PTPA: variants seen among roughly 807,000 people sequenced by gnomAD.
The protein encoded by PTPA is protein phosphatase 2 phosphatase activator.
In PTPA, 13 loss-of-function variants were observed where a neutral mutation model predicts 43.6. The ratio of observed to expected loss-of-function variants is 0.30; its 90% CI spans 0.19 to 0.47. PTPA has a LOEUF of 0.47. Among genes scored for constraint, PTPA ranks in the 20% least tolerant of loss-of-function variants. The pLI, the probability that PTPA is intolerant of heterozygous loss-of-function variation, is 0.99. For missense variants in PTPA, 329 were observed against 411.9 expected (o/e 0.80, Z 1.74); for synonymous variants, 172 against 158.2 (o/e 1.09, Z -0.66).
chr9:129,131,594 C>T lies in PTPA; in HGVS notation c.415C>T (p.Leu139=), dbSNP rs1309780121. ...AAAVPEVAVY[L]KESVGNSTRI... ...TGCTGTGCCTGAGGTGGCTGTTTAC[C>T]TAAAGGAGTCAGTGGGGAACTCCAC... Residue 139 remains leucine, a synonymous_variant, in exon 5 of 10, where the codon CTA becomes TTA. Coordinates refer to ENST00000393370, the MANE Select transcript of PTPA (RefSeq NM_178000.3). 6 of 1,614,072 alleles carry T rather than the reference C, an allele frequency of 3.7e-6. No homozygotes were observed. Among genetic ancestry groups the T allele is most frequent in the African/African-American group, 1.3e-5 (1 of 74,928 alleles).
chr9:129,118,667 G>A (rs7861663), intron 1 of PTPA, among the ~76,000 whole-genome samples: 90,115 of 151,606 alleles, frequency 0.59, 28,702 homozygotes, highest in Non-Finnish European at 0.7. Flanking sequence ...GAGCCACCGC[G>A]CCCCGCCTAA....
At chr9:129,121,533 C>T (rs1355246312) in intron 2 of PTPA, among the ~76,000 whole-genome samples, 1 of 152,248 alleles carries the variant, frequency 6.6e-6, no homozygotes, top group Admixed American at 6.5e-5. Flanking sequence ...GTCCTTTCAT[C>T]ATCTTGGTTG....
chr9:129,118,645 G>A (rs1173823033), intron 1 of PTPA, among the ~76,000 whole-genome samples: 1 of 152,018 alleles, frequency 6.6e-6, no homozygotes, highest in Admixed American at 6.6e-5. Flanking sequence ...AAAGTGCTGG[G>A]ATTGTAGGCA....
At chr9:129,141,159 G>T (rs866906129) in intron 8 of PTPA, among the ~76,000 whole-genome samples, 62 of 151,980 alleles carry the variant, frequency 4.1e-4, no homozygotes, top group South Asian at 1.2e-3. Flanking sequence ...GGTTTTTTTT[G>T]ACTTAAATCT....
chr9:129,126,473 C>CCA (rs1214280584), intron 3 of PTPA, among the ~76,000 whole-genome samples: 5 of 152,082 alleles, frequency 3.3e-5, no homozygotes, highest in African/African-American at 1.2e-4. Flanking sequence ...AGCCACTGTG[C>CCA]CTGGCCAGCT....
intron 1 of PTPA, among the ~76,000 whole-genome samples, chr9:129,113,010 T>C (rs1406774502): frequency 6.6e-6 from 1 of 151,900 alleles, no homozygotes; most frequent in African/African-American, 2.4e-5. Flanking sequence ...CAGAATTGTC[T>C]TGGGTCACAC....
Position 129,125,535 on chromosome 9 carries a change from G to A in PTPA, c.216+2397G>A, listed in dbSNP as rs1055641536. Reference sequence around the variant, plus strand: ...TGGGATTGCAGGCGTGAGCTGCTGCGCCCGGCCCAGGTATTGTCTTAGCTC... The same window carrying A: ...TGGGATTGCAGGCGTGAGCTGCTGCACCCGGCCCAGGTATTGTCTTAGCTC... On this transcript the variant is annotated intron_variant, in intron 3 of 9. Coordinates refer to ENST00000393370, the MANE Select transcript of PTPA (RefSeq NM_178000.3). 3.3e-5 allele frequency among the ~76,000 whole-genome samples: 5 copies of A among 152,110 alleles called. No homozygotes were observed. The East Asian group carries it at 5.8e-4, about 18-fold the overall frequency.
intron 9 of PTPA, among the ~76,000 whole-genome samples, chr9:129,146,028 C>T (rs539096802): frequency 3.3e-4 from 49 of 150,768 alleles, no homozygotes; most frequent in Non-Finnish European, 5.8e-4. Context: ...GCCTCCACCC[C>T]TTCTCGCCTT....
chr9:129,123,190 G>A (rs1849369760), intron 3 of PTPA, 52 bp downstream of exon 3: 2 of 1,483,440 alleles, frequency 1.3e-6, no homozygotes, highest in Non-Finnish European at 1.9e-6. Context: ...TAGCTCCAGA[G>A]TCACTGGGTG....
chr9:129,137,823 A>G (rs1335573573), intron 8 of PTPA, 131 bp downstream of exon 8: 2 of 847,610 alleles, frequency 2.4e-6, no homozygotes, highest in Admixed American at 2.0e-5. Context: ...GGAGCGGGTT[A>G]TTGAAAAGGA....
At chr9:129,111,268 A>G (rs1047454119), upstream of PTPA, 24 of 1,189,858 alleles carry the variant, frequency 2.0e-5, no homozygotes, top group African/African-American at 2.8e-4. Flanking sequence ...GCGGCGCCCG[A>G]CGTTCGGGCG....
intron 5 of PTPA, among the ~76,000 whole-genome samples, chr9:129,133,524 A>G (rs1170626052): frequency 6.6e-6 from 1 of 152,196 alleles, no homozygotes; most frequent in African/African-American, 2.4e-5. Flanking sequence ...TCTCTGACAC[A>G]TTCTCTTCTC....
intron 1 of PTPA, chr9:129,119,455 G>T (rs1849107684): frequency 6.6e-6 from 1 of 151,670 alleles, no homozygotes; most frequent in African/African-American, 2.4e-5. Flanking sequence ...GCCTGGGTTG[G>T]AGTGCAGTGG....
At chr9:129,111,345 T>A, upstream of PTPA, 1 of 1,158,790 alleles carries the variant, frequency 8.6e-7, no homozygotes, top group Non-Finnish European at 1.1e-6. Flanking sequence ...CGCACTGACA[T>A]GGCCGTCGCC....
At chr9:129,111,830 T>C in intron 1 of PTPA, 199 bp downstream of exon 1, 1 of 1,210,918 alleles carries the variant, frequency 8.3e-7, no homozygotes, top group Non-Finnish European at 1.0e-6. Context: ...AACCAGGGGC[T>C]GCAAAGGGGT....
intron 1 of PTPA, among the ~76,000 whole-genome samples, chr9:129,116,914 G>A (rs780241768): frequency 3.9e-5 from 6 of 151,944 alleles, no homozygotes; most frequent in South Asian, 2.1e-4. Flanking sequence ...CGATCCTGCC[G>A]CCTGGGCCTC....
At chr9:129,136,320 G>A (rs1287667046) in intron 6 of PTPA, 151 bp from the exon 7 acceptor site, 1 of 951,838 alleles carries the variant, frequency 1.1e-6, no homozygotes, top group African/African-American at 1.7e-5. Context: ...CTGAGTGTTT[G>A]TTGGGGGAAA....
At chr9:129,145,649 G>A (rs1184272366) in intron 9 of PTPA, among the ~76,000 whole-genome samples, 1 of 152,140 alleles carries the variant, frequency 6.6e-6, no homozygotes, top group Admixed American at 6.6e-5. Flanking sequence ...TCAGGATTTG[G>A]GTCTAACTCT....
At chr9:129,120,760 C>T in intron 2 of PTPA, 150 bp downstream of exon 2, 2 of 656,620 alleles carry the variant, frequency 3.0e-6, no homozygotes, top group East Asian at 2.8e-5. Flanking sequence ...CTGGCTGTCT[C>T]TTCCCTTCAG....
Sources: allele counts gnomAD v4.1 joint callset (sites outside exome capture counted in the v4.1 genomes callset), GRCh38; gene constraint gnomAD v4.1.1; transcripts MANE v1.5; gene names NCBI Gene and HGNC (gene_info 2026-07-23, HGNC 2026-07-21).